Variants in DOCK3 observed in about 807,000 individuals in gnomAD.
DOCK3 encodes the protein dedicator of cytokinesis protein 3.
In DOCK3, 60 loss-of-function variants were observed where a neutral mutation model predicts 265.6. That is an observed-to-expected ratio of 0.23 (90% CI 0.18 to 0.28). The LOEUF is 0.28. DOCK3 is among the 10% of genes least tolerant of loss of function. The pLI, the probability that DOCK3 is intolerant of heterozygous loss-of-function variation, is 1.00. For missense variants in DOCK3, 1,981 were observed against 2,594.3 expected, an observed-to-expected ratio of 0.76 and a Z score of 5.14; for synonymous variants, 881 against 938.0, an observed-to-expected ratio of 0.94 and a Z score of 1.11.
chr3:50,826,805 G>T (rs181139364), intron 2 of DOCK3, among the ~76,000 whole-genome samples: 2 of 152,262 alleles, frequency 1.3e-5, no homozygotes, highest in East Asian at 3.9e-4. Flanking sequence ...GGAAGAAAAA[G>T]TTGAGGGAAT....
At chr3:51,275,740 T>G (rs1000012177) in intron 25 of DOCK3, among the ~76,000 whole-genome samples, 8 of 152,180 alleles carry the variant, frequency 5.3e-5, no homozygotes, top group African/African-American at 1.9e-4. Context: ...GGGTCGGGTT[T>G]CAACTGATAT....
intron 9 of DOCK3, among the ~76,000 whole-genome samples, chr3:51,140,751 T>A (rs1338607165): frequency 6.6e-6 from 1 of 152,186 alleles, no homozygotes; most frequent in Non-Finnish European, 1.5e-5. Flanking sequence ...CATTTCCTTG[T>A]CAGCACTTAT....
chr3:50,746,511 T>A (rs1290526400), intron 1 of DOCK3, among the ~76,000 whole-genome samples: 1 of 152,232 alleles, frequency 6.6e-6, no homozygotes, highest in African/African-American at 2.4e-5. Context: ...TCTCTGATAA[T>A]GCCTTCTGGA....
chr3:50,932,389 C>CT (rs1000949916), intron 4 of DOCK3, among the ~76,000 whole-genome samples: 18 of 149,356 alleles, frequency 1.2e-4, no homozygotes, highest in South Asian at 4.3e-4. Context: ...TTTTCCTGTA[C>CT]TTTTTTTTTT....
chr3:50,694,965 A>G (rs2035517503), intron 1 of DOCK3, among the ~76,000 whole-genome samples: 1 of 152,234 alleles, frequency 6.6e-6, no homozygotes, highest in Non-Finnish European at 1.5e-5. Flanking sequence ...CCTTTGGGGC[A>G]GGCTAGTAAC....
chr3:51,331,627 C>G (rs2084526353), intron 33 of DOCK3, among the ~76,000 whole-genome samples: 1 of 151,870 alleles, frequency 6.6e-6, no homozygotes, highest in South Asian at 2.1e-4. Context: ...ATTGAACAAG[C>G]CTCTTTATTG....
intron 12 of DOCK3, among the ~76,000 whole-genome samples, chr3:51,173,544 G>C (rs530610764): frequency 6.6e-6 from 1 of 152,270 alleles, no homozygotes; most frequent in Middle Eastern, 3.4e-3. Flanking sequence ...CTCAGCTTTT[G>C]TTCATCAAGA....
intron 12 of DOCK3, among the ~76,000 whole-genome samples, chr3:51,176,460 T>TA (rs950811829): frequency 1.2e-3 from 46 of 39,108 alleles, no homozygotes; most frequent in South Asian, 2.0e-3. Flanking sequence ...TACTAAAAAA[T>TA]AAAAAAAAAA....
chr3:50,979,650 A>G (rs771924001), intron 5 of DOCK3, among the ~76,000 whole-genome samples: 13 of 152,160 alleles, frequency 8.5e-5, no homozygotes, highest in Non-Finnish European at 1.3e-4. Flanking sequence ...GCAGAACCAC[A>G]AAACAAATAA....
intron 21 of DOCK3, among the ~76,000 whole-genome samples, chr3:51,244,216 A>T (rs1325647017): frequency 6.7e-6 from 1 of 149,404 alleles, no homozygotes; most frequent in Non-Finnish European, 1.5e-5. Context: ...ATTAGGATGG[A>T]TTTTTTTTTT....
chr3:51,215,797 T>C (rs937272887), intron 14 of DOCK3, among the ~76,000 whole-genome samples: 1 of 152,128 alleles, frequency 6.6e-6, no homozygotes, highest in Non-Finnish European at 1.5e-5. Context: ...GGATGGGAAA[T>C]GTAGGCTAGT....
chr3:51,099,261 T>G (rs1375465641), intron 9 of DOCK3, among the ~76,000 whole-genome samples: 1 of 152,238 alleles, frequency 6.6e-6, no homozygotes, highest in South Asian at 2.1e-4. Context: ...GTGAAACTTT[T>G]ACTTTAGATA....
chr3:51,309,598 G>A (rs1233484445), intron 27 of DOCK3, among the ~76,000 whole-genome samples: 2 of 149,640 alleles, frequency 1.3e-5, no homozygotes, highest in African/African-American at 5.0e-5. Flanking sequence ...GGGAGACCGT[G>A]GGGAGAGGGA....
In DOCK3 at chr3:51,229,568, C is replaced by T; in HGVS notation, c.1876C>T (p.Leu626=). Reference sequence around the variant, plus strand: ...CTTCCCCGACCGGATCATGGATGTACTAGGGCGGCTGCGGCATGTCAGTGG... The same window carrying T: ...CTTCCCCGACCGGATCATGGATGTATTAGGGCGGCTGCGGCATGTCAGTGG... ...KAFPDRIMDV[L]GRLRHVSGEE... Residue 626 remains leucine, a synonymous_variant, in exon 19 of 53, where the codon CTA becomes TTA. Coordinates refer to ENST00000266037, the MANE Select transcript of DOCK3 (RefSeq NM_004947.5). The T allele has an allele frequency of 6.2e-7, 1 of 1,608,186 alleles. No homozygotes were observed. Among genetic ancestry groups the T allele is most frequent in the Non-Finnish European group, 8.5e-7 (1 of 1,177,118 alleles).
chr3:50,721,157 T>C (rs1195765486), intron 1 of DOCK3, among the ~76,000 whole-genome samples: 1 of 152,148 alleles, frequency 6.6e-6, no homozygotes, highest in Non-Finnish European at 1.5e-5. Flanking sequence ...AGGTTGTTTA[T>C]TCTGTTGATA....
chr3:50,797,871 A>C (rs1187031298), intron 2 of DOCK3, among the ~76,000 whole-genome samples: 3 of 152,150 alleles, frequency 2.0e-5, no homozygotes, highest in Non-Finnish European at 2.9e-5. Context: ...AATTGTTTCA[A>C]CCTTTAATAT....
intron 4 of DOCK3, among the ~76,000 whole-genome samples, chr3:50,903,105 C>T (rs1331566566): frequency 2.0e-5 from 3 of 152,096 alleles, no homozygotes; most frequent in South Asian, 4.1e-4. Context: ...TATGGGATCA[C>T]GTTATCTGCA....
chr3:50,911,703 TGAGAGA>T (rs4028309), intron 4 of DOCK3, among the ~76,000 whole-genome samples: 3 of 150,122 alleles, frequency 2.0e-5, no homozygotes, highest in East Asian at 1.9e-4. Flanking sequence ...AATTGTTTTT[TGAGAGA>T]GAGAGAGAGA....
At chr3:51,089,006 A>G (rs1229583051) in intron 7 of DOCK3, among the ~76,000 whole-genome samples, 1 of 152,212 alleles carries the variant, frequency 6.6e-6, no homozygotes, top group African/African-American at 2.4e-5. Flanking sequence ...GGAAGGGCTC[A>G]GGTTTGAATC....
Sources: gnomAD v4.1 joint callset for allele counts (sites outside exome capture counted in the v4.1 genomes callset) on GRCh38, gnomAD v4.1.1 for gene constraint, MANE v1.5 for transcripts, NCBI Gene and HGNC (gene_info 2026-07-23, HGNC 2026-07-21) for gene names.